ZSCAN4: variants seen among roughly 807,000 people sequenced by gnomAD.
ZSCAN4 encodes the protein zinc finger and SCAN domain-containing protein 4.
Under a neutral mutation model 18.3 loss-of-function variants are expected in ZSCAN4, and 18 were observed. The ratio of observed to expected loss-of-function variants is 0.98; its 90% CI spans 0.68 to 1.46. ZSCAN4 has a LOEUF of 1.46. Among genes scored for constraint, ZSCAN4 ranks in the 40% most tolerant of loss-of-function variants. ZSCAN4 has a pLI of 0.00. For synonymous variants in ZSCAN4, 193 were observed against 180.3 expected (o/e 1.07, Z -0.57); for missense variants, 498 against 511.4 (o/e 0.97, Z 0.25).
chr19:57,657,994 G>T, the ZSCAN4 span, among the ~76,000 whole-genome samples: 15 of 152,152 alleles, frequency 9.9e-5, no homozygotes, highest in African/African-American at 3.4e-4. Flanking sequence ...TATTCAATTT[G>T]CAGTGGGTTG....
chr19:57,671,626 C>T (rs1263178558), intron 2 of ZSCAN4, among the ~76,000 whole-genome samples: 3 of 152,128 alleles, frequency 2.0e-5, no homozygotes, highest in South Asian at 2.1e-4. Context: ...GGACTCAGTG[C>T]TTTTCCCTGA....
chr19:57,672,604 CTTTT>C (rs71188041), intron 2 of ZSCAN4, among the ~76,000 whole-genome samples: 2 of 137,256 alleles, frequency 1.5e-5, no homozygotes, highest in African/African-American at 2.7e-5. Flanking sequence ...ACATAGTTAT[CTTTT>C]TTTTTTTTTT....
In ZSCAN4 at chr19:57,675,900, T is replaced by C. The variant is rs576378014; in HGVS notation, c.-105-141T>C. On this transcript the variant is annotated intron_variant, in intron 2 of 4. Transcript: ENST00000318203. ...CTAAAGTGGGTAGTGCTTCCTCTTA[T>C]ATGCTCTGGGAGAGTTTATGTTAAG... 14 of 375,510 alleles carry C rather than the reference T, an allele frequency of 3.7e-5. No homozygotes were observed. The East Asian group carries it at 4.3e-4, about 12-fold the overall frequency. The allele number at this position is 375,510 out of a possible 1,614,324, so 23.3% of individuals were successfully genotyped here. A position where few individuals can be genotyped will look rare whatever the true frequency, so the allele number is the denominator to read the frequency against.
chr19:57,660,605 T>C, the ZSCAN4 span, among the ~76,000 whole-genome samples: 1 of 152,210 alleles, frequency 6.6e-6, no homozygotes, highest in African/African-American at 2.4e-5. Context: ...GTTTCAGCCA[T>C]GAAAAATTCA....
At chr19:57,663,533 A>AAAAAAAAAAAAAAAAAAAAAC in the ZSCAN4 span, among the ~76,000 whole-genome samples, 1 of 146,834 alleles carries the variant, frequency 6.8e-6, no homozygotes, top group African/African-American at 2.5e-5. Context: ...AAAAAAAAAA[A>AAAAAAAAAAAAAAAAAAAAAC]AAAAAAAAAA....
At chr19:57,656,321 C>A in the ZSCAN4 span, among the ~76,000 whole-genome samples, 1 of 152,202 alleles carries the variant, frequency 6.6e-6, no homozygotes, top group South Asian at 2.1e-4. Context: ...CCAGGAGGAA[C>A]AAGTCAAACT....
the ZSCAN4 span, among the ~76,000 whole-genome samples, chr19:57,656,995 C>T: frequency 6.6e-6 from 1 of 151,128 alleles, no homozygotes; most frequent in East Asian, 2.0e-4. Flanking sequence ...GCTGTAATTC[C>T]AACGCTTTGG....
chr19:57,661,196 C>T, the ZSCAN4 span, among the ~76,000 whole-genome samples: 2 of 152,148 alleles, frequency 1.3e-5, no homozygotes, highest in Non-Finnish European at 2.9e-5. Context: ...TTGGAATAAA[C>T]GTATGTGTCT....
At chr19:57,656,258 C>T in the ZSCAN4 span, among the ~76,000 whole-genome samples, 1 of 152,124 alleles carries the variant, frequency 6.6e-6, no homozygotes, top group Non-Finnish European at 1.5e-5. Context: ...GGCAGGTGGC[C>T]CACAACATCC....
chr19:57,676,206 G>A (rs1471423030), exon 3 of ZSCAN4: 18 of 1,613,988 alleles, frequency 1.1e-5, no homozygotes, highest in African/African-American at 1.3e-5. Flanking sequence ...TCTTGGATCA[G>A]AAAATTCAGC....
exon 5 of ZSCAN4, chr19:57,678,788 T>C (rs1279372003): frequency 1.9e-6 from 3 of 1,614,012 alleles, no homozygotes; most frequent in Non-Finnish European, 1.7e-6. Flanking sequence ...GAGAAAAGCC[T>C]TATACATGTC....
At chr19:57,678,061 T>G in exon 4 of ZSCAN4, 1 of 1,583,560 alleles carries the variant, frequency 6.3e-7, no homozygotes, top group Non-Finnish European at 8.6e-7. Flanking sequence ...CCAAGATACT[T>G]CCTTAGAAAC....
the ZSCAN4 span, among the ~76,000 whole-genome samples, chr19:57,653,167 C>T: frequency 6.6e-6 from 1 of 152,156 alleles, no homozygotes; most frequent in African/African-American, 2.4e-5. Context: ...GGAAATTATT[C>T]AAGGCCTTGA....
chr19:57,675,223 C>A (rs1213712670), intron 2 of ZSCAN4, among the ~76,000 whole-genome samples: 1 of 147,092 alleles, frequency 6.8e-6, no homozygotes, highest in Non-Finnish European at 1.5e-5. Context: ...TCTTGACTCA[C>A]TGCAATCTCC....
exon 5 of ZSCAN4, chr19:57,678,939 G>A: frequency 6.5e-7 from 1 of 1,529,914 alleles, no homozygotes; most frequent in Non-Finnish European, 8.7e-7. Context: ...AAATATGTAT[G>A]CAAGTATGTA....
At chr19:57,659,254 A>G in the ZSCAN4 span, among the ~76,000 whole-genome samples, 1 of 152,170 alleles carries the variant, frequency 6.6e-6, no homozygotes, top group Non-Finnish European at 1.5e-5. Flanking sequence ...GCCGAATAAC[A>G]TGGGTGCTTT....
exon 5 of ZSCAN4, chr19:57,679,053 G>C: frequency 1.0e-6 from 1 of 963,602 alleles, no homozygotes; most frequent in Non-Finnish European, 1.4e-6. Context: ...AGGAGAGCAT[G>C]GAATTTGTCA....
chr19:57,678,353 T>C (rs755892207), exon 5 of ZSCAN4: 7 of 1,614,090 alleles, frequency 4.3e-6, no homozygotes, highest in Non-Finnish European at 5.9e-6. Flanking sequence ...AGCTAGTCAC[T>C]GCTAGATCTC....
At chr19:57,660,534 A>G in the ZSCAN4 span, among the ~76,000 whole-genome samples, 2 of 152,226 alleles carry the variant, frequency 1.3e-5, no homozygotes, top group Non-Finnish European at 2.9e-5. Flanking sequence ...TCAATTATCC[A>G]ATTTATAATA....
Sources: gnomAD v4.1 joint callset for allele counts (sites outside exome capture counted in the v4.1 genomes callset) on GRCh38, gnomAD v4.1.1 for gene constraint, MANE v1.5 for transcripts, NCBI Gene and HGNC (gene_info 2026-07-23, HGNC 2026-07-21) for gene names.